NALF1: variants seen among roughly 807,000 people sequenced by gnomAD.
NALF1 encodes family with sequence similarity 155 member A.
Under a neutral mutation model 48.4 loss-of-function variants are expected in NALF1, and 3 were observed. The ratio of observed to expected loss-of-function variants is 0.06; its 90% CI spans 0.03 to 0.16. The LOEUF (loss-of-function observed/expected upper bound fraction) is 0.16. NALF1 is among the 10% of genes least tolerant of loss of function. NALF1 has a pLI of 1.00. For missense variants in NALF1, 526 were observed against 571.5 expected (o/e 0.92, Z 0.81); for synonymous variants, 262 against 245.7 (o/e 1.07, Z -0.62).
At chr13:107,718,752 C>A (rs925068033) in intron 1 of NALF1, among the ~76,000 whole-genome samples, 4 of 152,142 alleles carry the variant, frequency 2.6e-5, no homozygotes, top group Non-Finnish European at 5.9e-5. Flanking sequence ...CCAGGCCCTG[C>A]GCTTTCTAAT....
intron 1 of NALF1, among the ~76,000 whole-genome samples, chr13:107,721,985 C>T (rs991804501): frequency 6.6e-6 from 1 of 152,152 alleles, no homozygotes; most frequent in Non-Finnish European, 1.5e-5. Context: ...AGGGTTCCCC[C>T]CCTCTTGCCT....
chr13:107,735,805 G>A (rs1876451618), intron 1 of NALF1, among the ~76,000 whole-genome samples: 1 of 152,116 alleles, frequency 6.6e-6, no homozygotes, highest in African/African-American at 2.4e-5. Context: ...CTTGGTGTAG[G>A]GGTAATGGGG....
Position 107,768,888 on chromosome 13 carries a change from C to G in NALF1, c.915+96794G>C, listed in dbSNP as rs935842061. On this transcript the variant is annotated intron_variant, in intron 1 of 2. Coordinates refer to ENST00000375915, the MANE Select transcript of NALF1 (RefSeq NM_001080396.3). Reference sequence around the variant, plus strand: ...TCAAAAAGTGGGCAAAGGACATGAACAGACACTTCTCAAAAGAAGACATCT... The same window carrying G: ...TCAAAAAGTGGGCAAAGGACATGAAGAGACACTTCTCAAAAGAAGACATCT... Among the ~76,000 whole-genome samples, 86 of 152,062 alleles carry G rather than the reference C, an allele frequency of 5.7e-4. 1 individual carries two copies. Among genetic ancestry groups the G allele is most frequent in the African/African-American group, 1.8e-3 (75 of 41,400 alleles).
chr13:107,183,912 A>C (rs989100042), intron 2 of NALF1, among the ~76,000 whole-genome samples: 24 of 151,530 alleles, frequency 1.6e-4, no homozygotes, highest in African/African-American at 5.6e-4. Flanking sequence ...TTTCCAACAA[A>C]TTTTTCCAAC....
chr13:107,286,376 G>A (rs1337742446), intron 1 of NALF1, among the ~76,000 whole-genome samples: 2 of 152,038 alleles, frequency 1.3e-5, no homozygotes, highest in Admixed American at 1.3e-4. Flanking sequence ...ACTCGTGCCC[G>A]TAGCTCCGGC....
intron 1 of NALF1, among the ~76,000 whole-genome samples, chr13:107,572,153 T>C (rs1341716974): frequency 6.6e-6 from 1 of 152,150 alleles, no homozygotes; most frequent in Non-Finnish European, 1.5e-5. Context: ...TTCATATTAA[T>C]ATCCTAAAAT....
chr13:107,816,063 T>C (rs577403770), intron 1 of NALF1, among the ~76,000 whole-genome samples: 17 of 152,176 alleles, frequency 1.1e-4, no homozygotes, highest in South Asian at 4.1e-4. Flanking sequence ...TTTATGGTGA[T>C]GGTTGCCTAA....
intron 1 of NALF1, among the ~76,000 whole-genome samples, chr13:107,714,230 A>G (rs1875682881): frequency 6.6e-6 from 1 of 152,244 alleles, no homozygotes; most frequent in South Asian, 2.1e-4. Flanking sequence ...TGAATATGAC[A>G]CATAAGTGCA....
intron 1 of NALF1, among the ~76,000 whole-genome samples, chr13:107,515,101 G>A (rs1876015786): frequency 6.6e-6 from 1 of 152,144 alleles, no homozygotes; most frequent in Admixed American, 6.6e-5. Flanking sequence ...AGAAATAGGT[G>A]TACCCCTCTA....
At chr13:107,865,551 C>A in intron 1 of NALF1, 131 bp downstream of exon 1, 1 of 1,269,364 alleles carries the variant, frequency 7.9e-7, no homozygotes, top group Non-Finnish European at 1.1e-6. Flanking sequence ...AAGCCAAGCT[C>A]TTAATAACCG....
At chr13:107,461,368 CATAA>C (rs1337042859) in intron 1 of NALF1, among the ~76,000 whole-genome samples, 1 of 152,078 alleles carries the variant, frequency 6.6e-6, no homozygotes, top group Admixed American at 6.6e-5. Context: ...CTATGATTTG[CATAA>C]ATATTCACAT....
At chr13:107,458,078 A>T (rs1421369635) in intron 1 of NALF1, among the ~76,000 whole-genome samples, 4 of 152,158 alleles carry the variant, frequency 2.6e-5, no homozygotes, top group Non-Finnish European at 4.4e-5. Flanking sequence ...ACATAGGAAA[A>T]CATTCTTCAT....
chr13:107,270,100 A>C (rs946246575), intron 1 of NALF1, among the ~76,000 whole-genome samples: 1 of 151,932 alleles, frequency 6.6e-6, no homozygotes, highest in African/African-American at 2.4e-5. Flanking sequence ...ATCACTTTCA[A>C]TTGTGAATGA....
intron 1 of NALF1, among the ~76,000 whole-genome samples, chr13:107,236,946 T>C (rs1189240870): frequency 6.6e-6 from 1 of 152,158 alleles, no homozygotes; most frequent in Admixed American, 6.5e-5. Context: ...CTGGAGGTGA[T>C]TTAAAGTATA....
rs1878669857 is a variant in NALF1 at position 107,166,802 on chromosome 13, T to C, written c.*3695A>G. The C allele has an allele frequency of 2.0e-5, 3 of 152,038 alleles. No homozygotes were observed. Among genetic ancestry groups the C allele is most frequent in the Non-Finnish European group, 2.9e-5 (2 of 68,006 alleles). The allele number at this position is 152,038 out of a possible 1,614,324, so 9.4% of individuals were successfully genotyped here. ...TCCCTCACTCCCCTCTTTCCTTCCT[T>C]CTTTCCTGTCATTCTTTTGTTTCTG... On this transcript the variant is annotated 3_prime_UTR_variant, in exon 3 of 3. Transcript: ENST00000375915.
rs140645612 is a variant in NALF1 at position 107,409,920 on chromosome 13, G to A, written c.916-199165C>T. Among the ~76,000 whole-genome samples, 544 of 152,206 alleles carry A rather than the reference G, an allele frequency of 3.6e-3. 5 individuals carry two copies. Among genetic ancestry groups the A allele is most frequent in the African/African-American group, 0.012 (491 of 41,544 alleles). On this transcript the variant is annotated intron_variant, in intron 1 of 2. Transcript: ENST00000375915. ...CCCAGCCCATAGCTGCATAGTTCAG[G>A]GCAAACCCAATCATTGCCAGCAAAG...
chr13:107,367,708 C>T (rs1337893040), intron 1 of NALF1, among the ~76,000 whole-genome samples: 1 of 152,110 alleles, frequency 6.6e-6, no homozygotes, highest in African/African-American at 2.4e-5. Context: ...CAAAATAATA[C>T]AACATTTCAT....
At chr13:107,554,153 A>G (rs147655698) in intron 1 of NALF1, among the ~76,000 whole-genome samples, 1,559 of 152,318 alleles carry the variant, frequency 0.01, 26 homozygotes, top group African/African-American at 0.033. Flanking sequence ...TGTATGGCAG[A>G]CGCACTCTGA....
intron 1 of NALF1, among the ~76,000 whole-genome samples, chr13:107,376,213 C>T (rs560021555): frequency 7.7e-4 from 118 of 152,290 alleles, no homozygotes; most frequent in Non-Finnish European, 1.5e-3. Flanking sequence ...ATCAACCCTT[C>T]AAGTGACTGC....
Sources: gnomAD v4.1 joint callset for allele counts (sites outside exome capture counted in the v4.1 genomes callset) on GRCh38, gnomAD v4.1.1 for gene constraint, MANE v1.5 for transcripts, NCBI Gene and HGNC (gene_info 2026-07-23, HGNC 2026-07-21) for gene names.